The following PRELID2 variants were observed in gnomAD, a reference collection of about 807,000 sequenced individuals.
PRELID2 encodes the protein PRELI domain containing 2, also known as PRELI domain-containing protein 2.
In PRELID2, 25 loss-of-function variants were observed where a neutral mutation model predicts 28.4. That is an observed-to-expected ratio of 0.88 (90% CI 0.64 to 1.23). The LOEUF (loss-of-function observed/expected upper bound fraction) is 1.23. PRELID2 is among the 50% of genes most tolerant of loss of function. The pLI, the probability that PRELID2 is intolerant of heterozygous loss-of-function variation, is 0.00. For missense variants in PRELID2, 201 were observed against 214.4 expected (o/e 0.94, Z 0.39); for synonymous variants, 76 against 71.6 (o/e 1.06, Z -0.31).
chr5:145,512,694 C>T (rs1752471963), intron 1 of PRELID2, among the ~76,000 whole-genome samples: 1 of 152,214 alleles, frequency 6.6e-6, no homozygotes. Flanking sequence ...GTCTGAGAGA[C>T]ACTTCCCAGC....
chr5:145,250,395 T>A, the PRELID2 span, among the ~76,000 whole-genome samples: 1 of 152,150 alleles, frequency 6.6e-6, no homozygotes, highest in Non-Finnish European at 1.5e-5. Context: ...CTGACTTCAT[T>A]CAAAATGCAA....
intron 1 of PRELID2, among the ~76,000 whole-genome samples, chr5:145,587,691 T>G (rs1753173019): frequency 6.6e-6 from 1 of 152,134 alleles, no homozygotes; most frequent in Non-Finnish European, 1.5e-5. Flanking sequence ...TATAATAAGG[T>G]ACACCAAGCA....
chr5:145,740,924 C>A (rs1370482300), intron 1 of PRELID2, among the ~76,000 whole-genome samples: 1 of 42,680 alleles, frequency 2.3e-5, no homozygotes, highest in Non-Finnish European at 5.6e-5. Context: ...ATATATTTAT[C>A]GATAAATATA....
At chr5:145,787,141 AAAAAC>A (rs914711231) in intron 5 of PRELID2, among the ~76,000 whole-genome samples, 12 of 152,224 alleles carry the variant, frequency 7.9e-5, no homozygotes, top group Non-Finnish European at 8.8e-5. Flanking sequence ...CTCAAAAACA[AAAAAC>A]AAAACAAAAC....
chr5:145,708,373 C>G (rs1156904195), intron 1 of PRELID2, among the ~76,000 whole-genome samples: 2 of 151,934 alleles, frequency 1.3e-5, no homozygotes, highest in Non-Finnish European at 2.9e-5. Context: ...CTTAACCTCT[C>G]TGGGAACCAG....
the PRELID2 span, among the ~76,000 whole-genome samples, chr5:145,395,753 C>G: frequency 2.0e-5 from 3 of 151,972 alleles, no homozygotes; most frequent in Non-Finnish European, 4.4e-5. Context: ...ACAAAAAAGA[C>G]AGGAGAGGCA....
intron 1 of PRELID2, among the ~76,000 whole-genome samples, chr5:145,514,528 G>A (rs770722538): frequency 3.3e-5 from 5 of 152,042 alleles, no homozygotes; most frequent in African/African-American, 4.8e-5. Context: ...AACAGATTTC[G>A]ACTCTCACAC....
intron 1 of PRELID2, among the ~76,000 whole-genome samples, chr5:145,601,061 TG>T (rs1188998959): frequency 1.1e-4 from 16 of 152,052 alleles, no homozygotes; most frequent in African/African-American, 3.9e-4. Flanking sequence ...GAGACTGAGG[TG>T]GGAGGATCAC....
chr5:145,821,467 G>C (rs574204314), intron 2 of PRELID2, among the ~76,000 whole-genome samples: 6 of 152,236 alleles, frequency 3.9e-5, no homozygotes, highest in Admixed American at 3.9e-4. Flanking sequence ...CCAGAATTAA[G>C]CCAGGGATGT....
the PRELID2 span, among the ~76,000 whole-genome samples, chr5:145,276,344 G>A: frequency 3.1e-4 from 47 of 152,190 alleles, no homozygotes; most frequent in African/African-American, 1.0e-3. Flanking sequence ...CTTTCTAGCA[G>A]TTTAAAATTT....
At position 145,757,442 on chromosome 5, in the gene PRELID2, C is replaced by T. The variant is rs1442466468; in HGVS notation, c.*3094G>A. ...CACGTTGCCCCAAAGATTTCTGGTA[C>T]ATGTGAAGTCTGAGAATCACAGGGT... is the stretch of plus-strand genomic sequence containing the variant. On this transcript the variant is annotated 3_prime_UTR_variant, in exon 7 of 7. Transcript: ENST00000683046. Among the ~76,000 whole-genome samples, 2 of 152,166 alleles carry T rather than the reference C, an allele frequency of 1.3e-5. No homozygotes were observed. Among genetic ancestry groups the T allele is most frequent in the African/African-American group, 2.4e-5 (1 of 41,432 alleles).
chr5:145,514,574 T>C (rs1041402957), intron 1 of PRELID2, among the ~76,000 whole-genome samples: 3 of 152,116 alleles, frequency 2.0e-5, no homozygotes, highest in African/African-American at 7.2e-5. Flanking sequence ...CCACTGTCAA[T>C]ATTAGACAGA....
rs1039619705 is a variant in PRELID2, at chr5:145,796,549, T to C, written c.369-2A>G. ...CTGCCTCTTTGAATGAACTCTGTCC[T>C]GCAAAAAAAACAAAAAACACATCTT... is the stretch of plus-strand genomic sequence containing the variant. On this transcript the variant is annotated splice_acceptor_variant, in intron 4 of 6. Coordinates refer to ENST00000683046, the MANE Select transcript of PRELID2 (RefSeq NM_205846.3). LOFTEE classifies it high-confidence loss of function. 3 of 1,584,086 alleles carry C rather than the reference T, an allele frequency of 1.9e-6. No homozygotes were observed. The highest frequency in any genetic ancestry group is 1.8e-5 in the Admixed American group (1 of 55,526).
chr5:145,289,698 C>T, the PRELID2 span, among the ~76,000 whole-genome samples: 1 of 152,174 alleles, frequency 6.6e-6, no homozygotes, highest in Admixed American at 6.5e-5. Context: ...GTGGTAGTCT[C>T]ATTTTGCATC....
chr5:145,380,477 A>G, the PRELID2 span, among the ~76,000 whole-genome samples: 2 of 152,174 alleles, frequency 1.3e-5, no homozygotes, highest in African/African-American at 4.8e-5. Context: ...AAATGCCCCC[A>G]TGTGGCATGA....
chr5:145,468,982 T>C (rs1369131507), downstream of PRELID2, among the ~76,000 whole-genome samples: 1 of 152,136 alleles, frequency 6.6e-6, no homozygotes, highest in Non-Finnish European at 1.5e-5. Context: ...AGACATGAAG[T>C]CCTTATTTTA....
chr5:145,519,480 T>C (rs1198531432), intron 1 of PRELID2, among the ~76,000 whole-genome samples: 1 of 152,220 alleles, frequency 6.6e-6, no homozygotes, highest in African/African-American at 2.4e-5. Context: ...AACCATTACT[T>C]GGTTTTCCTC....
At chr5:145,302,324 G>C in the PRELID2 span, among the ~76,000 whole-genome samples, 1 of 151,836 alleles carries the variant, frequency 6.6e-6, no homozygotes, top group South Asian at 2.1e-4. Flanking sequence ...TTTTAGTAGA[G>C]AGGGGGTTTC....
At chr5:145,438,044 G>A in the PRELID2 span, among the ~76,000 whole-genome samples, 2 of 151,990 alleles carry the variant, frequency 1.3e-5, no homozygotes, top group African/African-American at 2.4e-5. Context: ...AAGGGAAAAT[G>A]CAAAAATATA....
Sources: allele counts gnomAD v4.1 joint callset (sites outside exome capture counted in the v4.1 genomes callset), GRCh38; gene constraint gnomAD v4.1.1; transcripts MANE v1.5; gene names NCBI Gene and HGNC (gene_info 2026-07-23, HGNC 2026-07-21).